The following CD5 variants were observed in gnomAD, a reference collection of about 807,000 sequenced individuals.
CD5 encodes CD5 molecule.
CD5 carries 36 observed loss-of-function variants against 60.3 expected under a neutral mutation model. That is an observed-to-expected ratio of 0.60 (90% CI 0.46 to 0.79). CD5 has a LOEUF of 0.79. Among genes scored for constraint, CD5 ranks in the 30% least tolerant of loss-of-function variants. CD5 has a pLI of 0.00. For missense variants in CD5, 540 were observed against 630.6 expected (o/e 0.86, Z 1.54); for synonymous variants, 230 against 257.6 (o/e 0.89, Z 1.03).
chr11:61,114,245 G>A (rs959515331), intron 1 of CD5, among the ~76,000 whole-genome samples: 2 of 150,594 alleles, frequency 1.3e-5, no homozygotes, highest in Non-Finnish European at 3.0e-5. Context: ...CTTAAGTGCT[G>A]GGATTGCAGT....
chr11:61,124,243 A>G (rs918213309), intron 8 of CD5, among the ~76,000 whole-genome samples: 1 of 152,140 alleles, frequency 6.6e-6, no homozygotes, highest in Non-Finnish European at 1.5e-5. Context: ...CACCTCCTCC[A>G]GCAGTATTCC....
At chr11:61,119,212 C>A (rs754800765) in intron 4 of CD5, 22 bp from the exon 5 acceptor site, 3 of 1,559,706 alleles carry the variant, frequency 1.9e-6, no homozygotes, top group South Asian at 2.4e-5. Context: ...GTGGCTCCCC[C>A]TCCTGCTCTC....
Position 61,125,184 on chromosome 11 carries a change from G to A in CD5, c.1399+33G>A, listed in dbSNP as rs756516210. ...CCAGCGGGTGCTCCCAGGCACGCAG[G>A]CAGGGCTGCAGCAGGCCGCCAAGGC... On this transcript the variant is annotated intron_variant, in intron 9 of 10. Coordinates refer to ENST00000347785, the MANE Select transcript of CD5 (RefSeq NM_014207.4). 2.2e-5 allele frequency: 35 copies of A among 1,612,676 alleles called. No homozygotes were observed. The South Asian group carries it at 3.4e-4, about 16-fold the overall frequency.
chr11:61,125,726 C>T (rs1861139144), intron 9 of CD5, 25 bp from the exon 10 acceptor site: 3 of 1,575,246 alleles, frequency 1.9e-6, no homozygotes, highest in Non-Finnish European at 2.6e-6. Flanking sequence ...AAACCCTCTG[C>T]AAACAGCGTC....
the CD5 span, among the ~76,000 whole-genome samples, chr11:61,094,730 G>A: frequency 6.6e-6 from 1 of 152,104 alleles, no homozygotes; most frequent in Non-Finnish European, 1.5e-5. Context: ...CACAAAGTAA[G>A]CCTACCCCAC....
In CD5 at chr11:61,122,977, G is replaced by A; in HGVS notation, c.1170G>A (p.Leu390=). The change falls in exon 7 of 11, where the codon CTG becomes CTA. Residue 390 remains leucine (L), a synonymous_variant. Coordinates refer to ENST00000347785, the MANE Select transcript of CD5 (RefSeq NM_014207.4). ...VASIILALVL[L]VVLLVVCGPL... ...GCATCATCCTGGCCCTGGTGCTCCT[G>A]GTGGTGCTGCTGGTCGTGTGCGGCC... The A allele has an allele frequency of 1.2e-6, 2 of 1,614,138 alleles. No individual in the cohort carries two copies. The highest frequency in any genetic ancestry group is 1.7e-6 in the Non-Finnish European group (2 of 1,179,988).
rs114893974 is a variant in CD5 at position 61,118,514 on chromosome 11, G to A, written c.400+34G>A. 21,483 of 1,598,518 alleles carry A rather than the reference G, an allele frequency of 0.013. 515 individuals carry two copies. The highest frequency in any genetic ancestry group is 0.076 in the African/African-American group (5,713 of 74,784). ...CTAGCCAGCCACACGGGCACCCTGG[G>A]CCTGGGCGCCAGCCCCGAGGAGACT... On this transcript the variant is annotated intron_variant, in intron 3 of 10. Transcript: ENST00000347785. This position sits in a 1 kb window ranked among gnomAD's most constrained non-coding sequence, Gnocchi z 4.7.
intron 7 of CD5, 133 bp downstream of exon 7, chr11:61,123,165 C>T: frequency 9.5e-7 from 1 of 1,049,102 alleles, no homozygotes; most frequent in Non-Finnish European, 1.3e-6. Flanking sequence ...ACCACCCAGC[C>T]TTCCCCTCTC....
intron 1 of CD5, among the ~76,000 whole-genome samples, chr11:61,106,267 G>A (rs1177742400): frequency 6.6e-6 from 1 of 152,148 alleles, no homozygotes; most frequent in African/African-American, 2.4e-5. Context: ...CAGGCAGGGA[G>A]GGCCTCTCTA....
chr11:61,117,443 A>G (rs1860982191), intron 2 of CD5, among the ~76,000 whole-genome samples: 3 of 152,194 alleles, frequency 2.0e-5, no homozygotes. Flanking sequence ...TCCATCGAAC[A>G]GTATCCTTAA....
At chr11:61,101,610 TCA>T (rs553932863), upstream of CD5, among the ~76,000 whole-genome samples, 39 of 128,254 alleles carry the variant, frequency 3.0e-4, no homozygotes, top group South Asian at 1.2e-3. Context: ...AACATGGAAA[TCA>T]CACACACATA....
chr11:61,099,387 C>G (rs1634380), upstream of CD5, among the ~76,000 whole-genome samples: 1 of 131,646 alleles, frequency 7.6e-6, no homozygotes, highest in South Asian at 2.4e-4. Flanking sequence ...ATGGAAATCA[C>G]ACACACACAT....
upstream of CD5, among the ~76,000 whole-genome samples, chr11:61,098,962 G>C (rs937682981): frequency 8.5e-5 from 13 of 152,152 alleles, no homozygotes; most frequent in Non-Finnish European, 1.6e-4. Flanking sequence ...CTTCCTACCT[G>C]CCTGGGGTGG....
rs564060917 is a variant in CD5, at chr11:61,112,371, C to T, written c.56-2685C>T. On this transcript the variant is annotated intron_variant, in intron 1 of 10. Coordinates refer to ENST00000347785, the MANE Select transcript of CD5 (RefSeq NM_014207.4). ...AATAGATCAGATGATTGGCTGGGCG[C>T]GGTGGCTCATGCTTGTAATCCCAGC... Among the ~76,000 whole-genome samples, 5 of 152,248 alleles carry T rather than the reference C, an allele frequency of 3.3e-5. No homozygotes were observed. The South Asian group carries it at 6.2e-4, about 19-fold the overall frequency.
intron 1 of CD5, among the ~76,000 whole-genome samples, chr11:61,108,425 G>A (rs914907853): frequency 6.6e-6 from 1 of 152,164 alleles, no homozygotes; most frequent in African/African-American, 2.4e-5. Flanking sequence ...TAAGCCCAGT[G>A]TGACTCTATA....
chr11:61,121,875 A>G lies in CD5; in HGVS notation c.1070A>G (p.Asn357Ser). ...CAGTGCCACGAACTTTGGGAGAGAA[A>G]TTCCTACTGCAAGAAGGTGTTTGTC... Reference protein sequence around the residue: ...LSQCHELWERNSYCKKVFVTC... With the variant: ...LSQCHELWERSSYCKKVFVTC... Residue 357 changes from asparagine to serine, a missense_variant, in exon 6 of 11, where the codon AAT (asparagine) becomes AGT (serine). By Grantham distance (46) the Asn-to-Ser change is conservative. Transcript: ENST00000347785. 1.3e-6 allele frequency: 2 copies of G among 1,557,186 alleles called. No homozygotes were observed. Among genetic ancestry groups the G allele is most frequent in the Non-Finnish European group, 1.7e-6 (2 of 1,144,238 alleles).
At chr11:61,094,024 G>C in the CD5 span, among the ~76,000 whole-genome samples, 3 of 152,238 alleles carry the variant, frequency 2.0e-5, no homozygotes, top group South Asian at 6.2e-4. Context: ...TGTCTGAGGG[G>C]TTTTGTCTGT....
At position 61,118,519 on chromosome 11, in the gene CD5, G is replaced by A. The variant is rs765198622; in HGVS notation, c.400+39G>A. On this transcript the variant is annotated intron_variant, in intron 3 of 10. Transcript: ENST00000347785. The surrounding 1 kb of genome is among the most constrained non-coding windows in gnomAD (Gnocchi z 4.7). ...CAGCCACACGGGCACCCTGGGCCTGGGCGCCAGCCCCGAGGAGACTGCCCG... is the reference window on the plus strand; with the variant it reads ...CAGCCACACGGGCACCCTGGGCCTGAGCGCCAGCCCCGAGGAGACTGCCCG... The A allele has an allele frequency of 2.5e-6, 4 of 1,595,786 alleles. No individual in the cohort carries two copies. Among genetic ancestry groups the A allele is most frequent in the South Asian group, 2.2e-5 (2 of 89,084 alleles).
At chr11:61,103,294 G>A (rs1004023173) in intron 1 of CD5, among the ~76,000 whole-genome samples, 2 of 152,198 alleles carry the variant, frequency 1.3e-5, no homozygotes, top group African/African-American at 4.8e-5. Context: ...GCCTCTCCAG[G>A]CCTTGATCTC....
Sources: allele counts gnomAD v4.1 joint callset (sites outside exome capture counted in the v4.1 genomes callset), GRCh38; gene constraint gnomAD v4.1.1; non-coding constraint Gnocchi (gnomAD v3.1); transcripts MANE v1.5; gene names NCBI Gene and HGNC (gene_info 2026-07-23, HGNC 2026-07-21).